ERICH1: variants seen among roughly 807,000 people sequenced by gnomAD.
ERICH1 encodes the protein glutamate rich 1, also known as glutamate-rich protein 1.
ERICH1 carries 56 observed loss-of-function variants against 39.6 expected under a neutral mutation model. The observed-to-expected ratio is 1.41, with a 90% CI of 1.14 to 1.77. The LOEUF (loss-of-function observed/expected upper bound fraction) is 1.77, where lower values mean the gene tolerates loss of function less well. Ranked by LOEUF, ERICH1 falls within the 40% of genes most tolerant of loss-of-function variation. ERICH1 has a pLI of 0.00. For missense variants in ERICH1, 826 were observed against 575.4 expected, an observed-to-expected ratio of 1.44 and a Z score of -4.45; for synonymous variants, 313 against 223.6, an observed-to-expected ratio of 1.40 and a Z score of -3.57.
intron 3 of ERICH1, among the ~76,000 whole-genome samples, chr8:691,332 T>C (rs1016654255): frequency 6.6e-5 from 10 of 152,246 alleles, no homozygotes; most frequent in African/African-American, 2.4e-4. Context: ...GTAAGAACAC[T>C]GCTGTAGCTC....
chr8:622,547 C>T (rs1797350244), intron 3 of ERICH1, among the ~76,000 whole-genome samples: 1 of 152,146 alleles, frequency 6.6e-6, no homozygotes, highest in Admixed American at 6.5e-5. Context: ...GAACTGTGAC[C>T]AATAAATTCT....
intron 3 of ERICH1, among the ~76,000 whole-genome samples, chr8:680,095 G>A: frequency 2.1e-5 from 2 of 94,892 alleles, no homozygotes; most frequent in South Asian, 1.0e-3. Context: ...TGCCACCCCT[G>A]TGAACACAGA....
At chr8:674,372 G>A (rs965950224) in intron 3 of ERICH1, among the ~76,000 whole-genome samples, 4 of 139,960 alleles carry the variant, frequency 2.9e-5, no homozygotes, top group Admixed American at 2.4e-4. Context: ...GAACAATCTC[G>A]GCTCACTGCA....
At chr8:620,665 AG>A (rs1372116704) in intron 3 of ERICH1, among the ~76,000 whole-genome samples, 3 of 152,260 alleles carry the variant, frequency 2.0e-5, no homozygotes, top group Non-Finnish European at 4.4e-5. Flanking sequence ...TACTAACATC[AG>A]AAAAAACAGA....
At chr8:633,917 T>C (rs572981464) in intron 3 of ERICH1, among the ~76,000 whole-genome samples, 1 of 152,296 alleles carries the variant, frequency 6.6e-6, no homozygotes, top group East Asian at 1.9e-4. Context: ...ATGTGAGACC[T>C]AAACCTCTCA....
intron 2 of ERICH1, among the ~76,000 whole-genome samples, chr8:707,748 A>C (rs1025075276): frequency 6.6e-6 from 1 of 152,262 alleles, no homozygotes; most frequent in Non-Finnish European, 1.5e-5. Flanking sequence ...ATGATGTCTT[A>C]AATATGATAT....
intron 2 of ERICH1, among the ~76,000 whole-genome samples, chr8:693,742 C>T (rs1452638666): frequency 6.6e-6 from 1 of 151,374 alleles, no homozygotes; most frequent in Admixed American, 6.6e-5. Flanking sequence ...TGCTGTGTGC[C>T]CCTCTGCGCA....
At chr8:672,303 G>A (rs1313765854) in intron 4 of ERICH1, 1 of 152,200 alleles carries the variant, frequency 6.6e-6, no homozygotes, top group Admixed American at 6.5e-5. Flanking sequence ...TGTGCCATCT[G>A]GATATATGTT....
At chr8:638,892 G>A (rs58759002) in intron 3 of ERICH1, among the ~76,000 whole-genome samples, 67,285 of 151,848 alleles carry the variant, frequency 0.44, 14,968 homozygotes, top group Admixed American at 0.51. Flanking sequence ...CGCTGCCTCC[G>A]TGGCCTTGTT....
intron 2 of ERICH1, among the ~76,000 whole-genome samples, chr8:696,660 A>C (rs1585403679): frequency 4.1e-5 from 1 of 24,106 alleles, no homozygotes; most frequent in Non-Finnish European, 6.8e-5. Context: ...CTTCCTCCCC[A>C]TCAGCCTGCG....
chr8:702,156 C>A (rs537289183), intron 2 of ERICH1, among the ~76,000 whole-genome samples: 1 of 151,486 alleles, frequency 6.6e-6, no homozygotes, highest in Non-Finnish European at 1.5e-5. Flanking sequence ...TCTAAAGAAC[C>A]CCGGAAATTG....
intron 3 of ERICH1, among the ~76,000 whole-genome samples, chr8:618,959 G>A (rs745528440): frequency 1.3e-5 from 2 of 152,118 alleles, no homozygotes; most frequent in Non-Finnish European, 2.9e-5. Flanking sequence ...ATCATTTAAA[G>A]TCTCTGAAAT....
chr8:679,384 C>A (rs1353726759), intron 3 of ERICH1, among the ~76,000 whole-genome samples: 2 of 149,696 alleles, frequency 1.3e-5, no homozygotes, highest in Non-Finnish European at 3.0e-5. Flanking sequence ...CAGCACCCAC[C>A]CCTCACAGCT....
intron 2 of ERICH1, among the ~76,000 whole-genome samples, chr8:713,923 C>T (rs894296980): frequency 3.3e-5 from 5 of 152,070 alleles, no homozygotes; most frequent in South Asian, 2.1e-4. Context: ...ACTGGGGAAC[C>T]GAATGGACCC....
rs191298372 is a variant in ERICH1 at position 690,440 on chromosome 8, C to A, written c.304+2038G>T. Among the ~76,000 whole-genome samples, 9 of 152,386 alleles carry A rather than the reference C, an allele frequency of 5.9e-5. No homozygotes were observed. The East Asian group carries it at 1.7e-3, about 29-fold the overall frequency. ...ATCTCCATTTATCACAAGGCAGTAGCCAGGTACCCAGGACAAGACAAAGGG... is the reference window on the plus strand; with the variant it reads ...ATCTCCATTTATCACAAGGCAGTAGACAGGTACCCAGGACAAGACAAAGGG... On this transcript the variant is annotated intron_variant, in intron 3 of 5. Transcript: ENST00000262109.
chr8:698,999 G>A (rs1434110503), intron 2 of ERICH1, among the ~76,000 whole-genome samples: 13 of 151,832 alleles, frequency 8.6e-5, no homozygotes, highest in African/African-American at 3.1e-4. Context: ...CAAAGTCTCG[G>A]CTCAGCTGTG....
At chr8:707,988 G>C (rs1366895962) in intron 2 of ERICH1, among the ~76,000 whole-genome samples, 1 of 152,130 alleles carries the variant, frequency 6.6e-6, no homozygotes, top group East Asian at 1.9e-4. Flanking sequence ...AAGGACGTAA[G>C]CAGATATTTC....
At chr8:708,723 T>G in intron 2 of ERICH1, among the ~76,000 whole-genome samples, 1 of 128,700 alleles carries the variant, frequency 7.8e-6, no homozygotes. Flanking sequence ...AGACAGGGTC[T>G]CACTGCATTG....
At position 668,673 on chromosome 8, in the gene ERICH1, G is replaced by A. The variant is rs551238591; in HGVS notation, c.1183C>T (p.Leu395=). 2 of 1,614,152 alleles carry A rather than the reference G, an allele frequency of 1.2e-6. No individual in the cohort carries two copies. The highest frequency in any genetic ancestry group is 1.3e-5 in the African/African-American group (1 of 75,064). Residue 395 remains leucine, a synonymous_variant, in exon 5 of 6, where the codon CTG becomes TTG. Coordinates refer to ENST00000262109, the MANE Select transcript of ERICH1 (RefSeq NM_207332.3). ...DVSILYHMKT[L]LLLQDTERLK... ...CTCTCAGTATCTTGCAGGAGCAGCA[G>A]CGTTTTCATGTGGTACAGGATGGAC...
Sources: gnomAD v4.1 joint callset for allele counts (sites outside exome capture counted in the v4.1 genomes callset) on GRCh38, gnomAD v4.1.1 for gene constraint, MANE v1.5 for transcripts, NCBI Gene and HGNC (gene_info 2026-07-23, HGNC 2026-07-21) for gene names.